The following KCNC2 variants were observed in gnomAD, a reference collection of about 807,000 sequenced individuals.
KCNC2 encodes potassium voltage-gated channel subfamily C member 2, also known as voltage-gated potassium channel KCNC2.
In KCNC2, 21 loss-of-function variants were observed where a neutral mutation model predicts 44.5. The ratio of observed to expected loss-of-function variants is 0.47; its 90% CI spans 0.33 to 0.68. KCNC2 has a LOEUF of 0.68. Ranked by LOEUF, KCNC2 falls within the 30% of genes least tolerant of loss-of-function variation. The probability of loss-of-function intolerance (pLI) is 0.01; values close to 1 mark genes in which losing one functional copy is unlikely to be tolerated. For missense variants in KCNC2, 589 were observed against 826.2 expected (o/e 0.71, Z 3.52); for synonymous variants, 391 against 339.1 (o/e 1.15, Z -1.68).
intron 2 of KCNC2, among the ~76,000 whole-genome samples, chr12:75,163,597 TATAAAAAAC>T (rs752058874): frequency 7.9e-5 from 12 of 151,722 alleles, no homozygotes; most frequent in Non-Finnish European, 1.8e-4. Context: ...GAGACAGATA[TATAAAAAAC>T]GTAAAAAATA....
chr12:75,147,092 A>G (rs137898998), intron 2 of KCNC2, among the ~76,000 whole-genome samples: 243 of 152,292 alleles, frequency 1.6e-3, no homozygotes, highest in Non-Finnish European at 1.7e-3. Flanking sequence ...TGTGATCAAT[A>G]CTCAAAAATT....
At chr12:75,188,024 G>A (rs181060160) in intron 2 of KCNC2, among the ~76,000 whole-genome samples, 6 of 152,228 alleles carry the variant, frequency 3.9e-5, no homozygotes, top group Non-Finnish European at 7.4e-5. Context: ...AGTAAAAATA[G>A]AAATAGAAGG....
chr12:75,043,679 C>A, intron 4 of KCNC2: 1 of 1,349,522 alleles, frequency 7.4e-7, no homozygotes, highest in Non-Finnish European at 9.6e-7. Flanking sequence ...ATAAAGCATA[C>A]TTAAGTTTAA....
chr12:75,125,105 C>CAA (rs111942748), intron 2 of KCNC2, among the ~76,000 whole-genome samples: 4 of 150,898 alleles, frequency 2.7e-5, no homozygotes, highest in South Asian at 4.2e-4. Context: ...GACTCCGTCT[C>CAA]AAAAAAAAAT....
At chr12:75,186,153 T>C (rs1362447409) in intron 2 of KCNC2, among the ~76,000 whole-genome samples, 1 of 151,904 alleles carries the variant, frequency 6.6e-6, no homozygotes, top group Admixed American at 6.6e-5. Flanking sequence ...AGTTACATAA[T>C]ACAAAAGAGT....
At chr12:75,143,111 A>C (rs1371430370) in intron 2 of KCNC2, among the ~76,000 whole-genome samples, 1 of 152,136 alleles carries the variant, frequency 6.6e-6, no homozygotes, top group Non-Finnish European at 1.5e-5. Context: ...ATGTTAGTGA[A>C]AGAATATCAT....
chr12:75,138,352 C>T (rs1027815402), intron 2 of KCNC2, among the ~76,000 whole-genome samples: 6 of 152,030 alleles, frequency 3.9e-5, no homozygotes, highest in Non-Finnish European at 5.9e-5. Context: ...ATTAATAATA[C>T]CAGTTGGAAC....
At chr12:75,146,750 C>A (rs559924358) in intron 2 of KCNC2, among the ~76,000 whole-genome samples, 1 of 152,142 alleles carries the variant, frequency 6.6e-6, no homozygotes, top group South Asian at 2.1e-4. Flanking sequence ...TTAACTTCCA[C>A]CAGCAGTATA....
chr12:75,199,395 T>TGA (rs2031051100), intron 2 of KCNC2, among the ~76,000 whole-genome samples: 1 of 151,776 alleles, frequency 6.6e-6, no homozygotes, highest in Non-Finnish European at 1.5e-5. Context: ...ATGATCAACT[T>TGA]TCAGGAAAGA....
At chr12:75,146,406 C>T (rs1890032028) in intron 2 of KCNC2, among the ~76,000 whole-genome samples, 1 of 152,112 alleles carries the variant, frequency 6.6e-6, no homozygotes, top group South Asian at 2.1e-4. Flanking sequence ...ACATCTCTGG[C>T]TGCTCATTTG....
intron 1 of KCNC2, 131 bp from the exon 2 acceptor site, chr12:75,208,133 C>G: frequency 9.9e-7 from 1 of 1,006,744 alleles, no homozygotes; most frequent in Non-Finnish European, 1.4e-6. Flanking sequence ...AAGACCCTCC[C>G]CGGGAGGGGA....
intron 2 of KCNC2, among the ~76,000 whole-genome samples, chr12:75,150,760 T>C (rs1592975814): frequency 6.6e-6 from 1 of 151,948 alleles, no homozygotes; most frequent in East Asian, 1.9e-4. Flanking sequence ...ATATTTCACA[T>C]ATTTATTTTT....
intron 2 of KCNC2, among the ~76,000 whole-genome samples, chr12:75,203,070 A>T (rs541079059): frequency 6.6e-6 from 1 of 151,794 alleles, no homozygotes; most frequent in East Asian, 1.9e-4. Flanking sequence ...AATAAGCTAT[A>T]TTTAGCCATT....
At chr12:75,181,882 C>T (rs1337481486) in intron 2 of KCNC2, among the ~76,000 whole-genome samples, 1 of 131,448 alleles carries the variant, frequency 7.6e-6, no homozygotes, top group Non-Finnish European at 1.6e-5. Context: ...TACTACCAGT[C>T]TACTAGGGAA....
chr12:75,181,692 C>G (rs1158835623), intron 2 of KCNC2, among the ~76,000 whole-genome samples: 4 of 152,100 alleles, frequency 2.6e-5, no homozygotes, highest in African/African-American at 9.7e-5. Context: ...AAATTCTCCT[C>G]AATGATTTTC....
chr12:75,161,724 C>CT (rs1450676808), intron 2 of KCNC2, among the ~76,000 whole-genome samples: 1 of 151,692 alleles, frequency 6.6e-6, no homozygotes, highest in Non-Finnish European at 1.5e-5. Flanking sequence ...AATTGCTCCC[C>CT]TTCAGAGTCA....
rs1158729759 is a variant in KCNC2 at position 75,041,243 on chromosome 12, A to G, written c.*1862T>C. 1 of 1,591,388 alleles carries G rather than the reference A, an allele frequency of 6.3e-7. No homozygotes were observed. Among genetic ancestry groups the G allele is most frequent in the Non-Finnish European group, 8.5e-7 (1 of 1,175,630 alleles). ...AACAGCAGCACCAGACAGCATATTA[A>G]TTCTTTTACCATAAATTTGTGTGTA... On this transcript the variant is annotated 3_prime_UTR_variant, in exon 5 of 5. Coordinates refer to ENST00000549446, the MANE Select transcript of KCNC2 (RefSeq NM_139137.4).
At chr12:75,127,020 G>A (rs1049011591) in intron 2 of KCNC2, among the ~76,000 whole-genome samples, 12 of 152,096 alleles carry the variant, frequency 7.9e-5, no homozygotes, top group Non-Finnish European at 2.9e-5. Flanking sequence ...ATGTGCCCTG[G>A]TCTAGTTAAT....
chr12:75,110,177 T>A (rs981590937), intron 2 of KCNC2, among the ~76,000 whole-genome samples: 1 of 152,054 alleles, frequency 6.6e-6, no homozygotes, highest in Non-Finnish European at 1.5e-5. Flanking sequence ...AGCTACAGAT[T>A]GAAAGGGTTC....
Sources: gnomAD v4.1 joint callset for allele counts (sites outside exome capture counted in the v4.1 genomes callset) on GRCh38, gnomAD v4.1.1 for gene constraint, MANE v1.5 for transcripts, NCBI Gene and HGNC (gene_info 2026-07-23, HGNC 2026-07-21) for gene names.